LRP1B: variants seen among roughly 807,000 people sequenced by gnomAD.
The protein encoded by LRP1B is low-density lipoprotein receptor-related protein 1B.
A neutral mutation model predicts 556.6 loss-of-function variants in LRP1B; 217 were observed. The observed-to-expected ratio is 0.39, with a 90% confidence interval of 0.35 to 0.44. The LOEUF (loss-of-function observed/expected upper bound fraction) is 0.44. Among genes scored for constraint, LRP1B ranks in the 20% least tolerant of loss-of-function variants. The probability of loss-of-function intolerance (pLI) is 1.00; values close to 1 mark genes in which losing one functional copy is unlikely to be tolerated. For synonymous variants in LRP1B, 2,047 were observed against 1,865.8 expected (o/e 1.10, Z -2.50); for missense variants, 5,053 against 5,620.8 (o/e 0.90, Z 3.23).
In LRP1B at chr2:140,339,317, CAT is replaced by C. The variant is rs1316465935; in HGVS notation, c.11893-3481_11893-3480del. 9.9e-5 allele frequency among the ~76,000 whole-genome samples: 15 copies of C among 151,756 alleles called. No homozygotes were observed. In the East Asian group the frequency reaches 1.4e-3, roughly 14 times the overall value. On this transcript the variant is annotated intron_variant, in intron 77 of 90. Coordinates refer to ENST00000389484, the MANE Select transcript of LRP1B (RefSeq NM_018557.3). ...GTTTTAAAACAGGAAAAAGGAAAAA[CAT>C]GTGACAGGGGAGTTCAAGCATTTGA...
intron 18 of LRP1B, among the ~76,000 whole-genome samples, chr2:140,979,914 A>G (rs968595508): frequency 3.9e-5 from 6 of 152,112 alleles, no homozygotes; most frequent in Non-Finnish European, 8.8e-5. Context: ...ATTTGTTATT[A>G]AAAAAATTTA....
intron 2 of LRP1B, among the ~76,000 whole-genome samples, chr2:141,561,234 A>G (rs1275115940): frequency 1.3e-5 from 2 of 151,856 alleles, no homozygotes; most frequent in East Asian, 3.9e-4. Context: ...ATATGCCATT[A>G]TGTTCCTAAA....
intron 1 of LRP1B, among the ~76,000 whole-genome samples, chr2:141,877,985 T>A (rs1426445293): frequency 1.3e-5 from 2 of 151,972 alleles, no homozygotes; most frequent in Non-Finnish European, 2.9e-5. Flanking sequence ...AGGCTCATAC[T>A]TCTTGGCATA....
chr2:140,541,179 A>G, intron 44 of LRP1B, 81 bp from the exon 45 acceptor site: 1 of 1,211,766 alleles, frequency 8.3e-7, no homozygotes, highest in Non-Finnish European at 1.2e-6. Flanking sequence ...GTAAACTATT[A>G]GACTGCCTCA....
chr2:140,556,107 A>G (rs1680721754), intron 43 of LRP1B, among the ~76,000 whole-genome samples: 1 of 152,098 alleles, frequency 6.6e-6, no homozygotes, highest in South Asian at 2.1e-4. Flanking sequence ...GGTGTCTCCA[A>G]CGGGGCTCAG....
At chr2:141,853,017 A>G (rs1697918177) in intron 1 of LRP1B, among the ~76,000 whole-genome samples, 2 of 151,758 alleles carry the variant, frequency 1.3e-5, no homozygotes, top group African/African-American at 2.4e-5. Flanking sequence ...AAGAAAAACA[A>G]TATCTATAGG....
At chr2:141,466,870 G>A (rs1682223295) in intron 3 of LRP1B, among the ~76,000 whole-genome samples, 1 of 150,268 alleles carries the variant, frequency 6.7e-6, no homozygotes, top group Admixed American at 6.6e-5. Context: ...TTTTAATCCA[G>A]TCTTTTAAAG....
chr2:140,239,141 C>A (rs967325175), intron 88 of LRP1B, among the ~76,000 whole-genome samples: 2 of 150,754 alleles, frequency 1.3e-5, no homozygotes, highest in Admixed American at 6.6e-5. Flanking sequence ...TCCTCAGAGA[C>A]CCTTGCTGTT....
At chr2:140,701,868 T>A in intron 39 of LRP1B, 23 bp from the exon 40 acceptor site, 1 of 1,612,064 alleles carries the variant, frequency 6.2e-7, no homozygotes, top group Non-Finnish European at 8.5e-7. Flanking sequence ...TGAACATACA[T>A]GATCAACAAT....
At chr2:141,891,239 G>GAT (rs1176470670) in intron 1 of LRP1B, among the ~76,000 whole-genome samples, 1 of 152,108 alleles carries the variant, frequency 6.6e-6, no homozygotes, top group African/African-American at 2.4e-5. Flanking sequence ...CAGAGAGAGA[G>GAT]AAGGAAAGGT....
At chr2:140,754,203 C>T (rs1293203862) in intron 35 of LRP1B, among the ~76,000 whole-genome samples, 2 of 152,120 alleles carry the variant, frequency 1.3e-5, no homozygotes, top group African/African-American at 4.8e-5. Flanking sequence ...TTGTTTTAAG[C>T]AATTAAGAGC....
intron 6 of LRP1B, among the ~76,000 whole-genome samples, chr2:141,193,595 G>A (rs1315607906): frequency 1.3e-5 from 2 of 151,924 alleles, no homozygotes; most frequent in Non-Finnish European, 2.9e-5. Flanking sequence ...TGAGGGTGGA[G>A]GATGGGAGGA....
At chr2:140,584,624 C>A (rs1164787986) in intron 43 of LRP1B, among the ~76,000 whole-genome samples, 1 of 152,048 alleles carries the variant, frequency 6.6e-6, no homozygotes, top group Non-Finnish European at 1.5e-5. Flanking sequence ...ACACTAGTTG[C>A]CCTAGATACT....
intron 86 of LRP1B, among the ~76,000 whole-genome samples, chr2:140,259,231 C>A (rs1432495694): frequency 6.6e-6 from 1 of 152,010 alleles, no homozygotes; most frequent in Non-Finnish European, 1.5e-5. Flanking sequence ...GGGGATATAC[C>A]TGACTTTCCT....
chr2:140,541,961 T>C lies in LRP1B; in HGVS notation c.7205A>G (p.Lys2402Arg). ...YDGSQRHVIVKSGPGTFLSLA... is the reference protein window; with the variant it reads ...YDGSQRHVIVRSGPGTFLSLA... ...ACTGAGGAAAGTCCCTGGCCCAGAT[T>C]TAACTATCACCTGAAATAAATTAAA... Residue 2402 changes from lysine (K) to arginine (R), a missense_variant, in exon 44 of 91, where the codon AAA becomes AGA. By Grantham distance (26) the Lys-to-Arg change is conservative (BLOSUM62 2). Transcript: ENST00000389484. The C allele has an allele frequency of 6.2e-7, 1 of 1,600,394 alleles. No individual in the cohort carries two copies. Among genetic ancestry groups the C allele is most frequent in the East Asian group, 2.2e-5 (1 of 44,644 alleles).
At chr2:140,288,301 C>A (rs1381712385) in intron 84 of LRP1B, among the ~76,000 whole-genome samples, 1 of 151,478 alleles carries the variant, frequency 6.6e-6, no homozygotes, top group African/African-American at 2.4e-5. Flanking sequence ...CTCATAATAC[C>A]AGTTTGTAGT....
chr2:141,091,329 G>C (rs1024896520), intron 7 of LRP1B, among the ~76,000 whole-genome samples: 1 of 152,144 alleles, frequency 6.6e-6, no homozygotes, highest in Non-Finnish European at 1.5e-5. Flanking sequence ...ATCAAGGGTG[G>C]TGTTAGGGAG....
intron 66 of LRP1B, among the ~76,000 whole-genome samples, chr2:140,395,604 C>T (rs1684213085): frequency 6.6e-6 from 1 of 152,146 alleles, no homozygotes; most frequent in South Asian, 2.1e-4. Flanking sequence ...TGTTTTGTTT[C>T]TGAATTGTTA....
intron 17 of LRP1B, among the ~76,000 whole-genome samples, chr2:140,982,835 A>G (rs1283661371): frequency 6.7e-6 from 1 of 148,778 alleles, no homozygotes; most frequent in East Asian, 2.0e-4. Context: ...AATATTTTCT[A>G]AAACATACAT....
Sources: gnomAD v4.1 joint callset for allele counts (sites outside exome capture counted in the v4.1 genomes callset) on GRCh38, gnomAD v4.1.1 for gene constraint, MANE v1.5 for transcripts, NCBI Gene and HGNC (gene_info 2026-07-23, HGNC 2026-07-21) for gene names.